The following SPAG16 variants were observed in gnomAD, a reference collection of about 807,000 sequenced individuals.
SPAG16 encodes sperm associated antigen 16, also known as sperm-associated antigen 16 protein.
In SPAG16, 86 loss-of-function variants were observed where a neutral mutation model predicts 80.4. The observed-to-expected ratio is 1.07, with a 90% CI of 0.90 to 1.28. The LOEUF (loss-of-function observed/expected upper bound fraction) is 1.28, where lower values mean the gene tolerates loss of function less well. Ranked by LOEUF, SPAG16 falls within the 50% of genes most tolerant of loss-of-function variation. The probability of loss-of-function intolerance (pLI) is 0.00; values close to 1 mark genes in which losing one functional copy is unlikely to be tolerated. For missense variants in SPAG16, 870 were observed against 765.3 expected (o/e 1.14, Z -1.61); for synonymous variants, 294 against 265.9 (o/e 1.11, Z -1.03).
At chr2:214,057,689 G>T (rs529713900) in intron 13 of SPAG16, among the ~76,000 whole-genome samples, 69 of 152,276 alleles carry the variant, frequency 4.5e-4, no homozygotes, top group South Asian at 1.7e-3. Context: ...CTCTAGCTAA[G>T]AAAGTCCTAG....
At chr2:213,679,429 A>G (rs890890984) in intron 10 of SPAG16, among the ~76,000 whole-genome samples, 4 of 152,292 alleles carry the variant, frequency 2.6e-5, no homozygotes, top group African/African-American at 7.2e-5. Flanking sequence ...TAAATGTGCA[A>G]TTTGATTTAA....
intron 10 of SPAG16, among the ~76,000 whole-genome samples, chr2:213,706,226 T>G (rs1375028106): frequency 6.6e-6 from 1 of 152,194 alleles, no homozygotes; most frequent in East Asian, 1.9e-4. Flanking sequence ...GCTGAATAGC[T>G]GGCATCAATT....
chr2:214,191,383 G>T (rs2057658226), intron 15 of SPAG16, among the ~76,000 whole-genome samples: 2 of 152,026 alleles, frequency 1.3e-5, no homozygotes, highest in South Asian at 4.2e-4. Flanking sequence ...CTTTAGTAAG[G>T]TAGGAAAAGT....
At chr2:214,122,541 C>G (rs2054271289) in intron 14 of SPAG16, among the ~76,000 whole-genome samples, 1 of 151,836 alleles carries the variant, frequency 6.6e-6, no homozygotes, top group Non-Finnish European at 1.5e-5. Context: ...TAAGTTCAAA[C>G]AGCAAGCACT....
At chr2:213,778,247 T>C (rs2069723725) in intron 10 of SPAG16, among the ~76,000 whole-genome samples, 1 of 152,134 alleles carries the variant, frequency 6.6e-6, no homozygotes, top group South Asian at 2.1e-4. Flanking sequence ...TCTGAATTCT[T>C]AGTTTAACAT....
chr2:213,709,260 G>A (rs972704972), intron 10 of SPAG16, among the ~76,000 whole-genome samples: 5 of 152,062 alleles, frequency 3.3e-5, no homozygotes, highest in Admixed American at 6.5e-5. Context: ...ATCCTTTCTC[G>A]TTTGAAATAT....
intron 12 of SPAG16, 49 bp downstream of exon 12, chr2:213,930,194 G>A (rs375383090): frequency 3.2e-5 from 45 of 1,396,532 alleles, no homozygotes; most frequent in Admixed American, 5.0e-5. Flanking sequence ...ATACATATAC[G>A]TGGGTAAAGT....
At chr2:214,317,816 C>T (rs985931575) in intron 15 of SPAG16, among the ~76,000 whole-genome samples, 2 of 152,170 alleles carry the variant, frequency 1.3e-5, no homozygotes, top group Non-Finnish European at 2.9e-5. Context: ...AGTCACCTTC[C>T]CCAGTATATT....
chr2:213,850,335 C>CAAAAA (rs1280163544), intron 10 of SPAG16, among the ~76,000 whole-genome samples: 1 of 152,114 alleles, frequency 6.6e-6, no homozygotes, highest in African/African-American at 2.4e-5. Flanking sequence ...AAGAGAAAAG[C>CAAAAA]AAAACAAATT....
At chr2:214,326,030 T>C (rs1024760182) in intron 15 of SPAG16, among the ~76,000 whole-genome samples, 2 of 152,172 alleles carry the variant, frequency 1.3e-5, no homozygotes, top group African/African-American at 2.4e-5. Context: ...TTCCATCCTA[T>C]AATGTGTCAA....
intron 13 of SPAG16, among the ~76,000 whole-genome samples, chr2:214,106,785 T>C (rs753449077): frequency 1.2e-4 from 19 of 152,136 alleles, no homozygotes; most frequent in Non-Finnish European, 2.4e-4. Flanking sequence ...TTTGAGTGAA[T>C]CTACTCTTCT....
intron 9 of SPAG16, among the ~76,000 whole-genome samples, chr2:213,483,146 G>A (rs2073831531): frequency 6.6e-6 from 1 of 151,986 alleles, no homozygotes; most frequent in South Asian, 2.1e-4. Flanking sequence ...ACTAAATAAT[G>A]TTTCATCATC....
intron 13 of SPAG16, among the ~76,000 whole-genome samples, chr2:214,022,217 C>T (rs984360169): frequency 1.3e-5 from 2 of 151,530 alleles, no homozygotes; most frequent in African/African-American, 2.4e-5. Flanking sequence ...GAATGGGCTA[C>T]AAGAAGATAT....
At chr2:214,084,147 C>A (rs2051565278) in intron 13 of SPAG16, among the ~76,000 whole-genome samples, 1 of 152,162 alleles carries the variant, frequency 6.6e-6, no homozygotes, top group Admixed American at 6.5e-5. Context: ...AATAACCATT[C>A]TTTTTCCCTC....
chr2:213,984,575 G>A (rs2106429242), intron 12 of SPAG16, among the ~76,000 whole-genome samples: 1 of 152,208 alleles, frequency 6.6e-6, no homozygotes, highest in Non-Finnish European at 1.5e-5. Context: ...GACATGGGAA[G>A]CAGTCAGTGG....
chr2:213,386,968 A>T (rs1377900064), intron 9 of SPAG16, among the ~76,000 whole-genome samples: 1 of 152,188 alleles, frequency 6.6e-6, no homozygotes, highest in Non-Finnish European at 1.5e-5. Flanking sequence ...AAGAGAAAAA[A>T]GTTACTGCTT....
intron 13 of SPAG16, among the ~76,000 whole-genome samples, chr2:214,065,717 G>T (rs1213870011): frequency 6.6e-6 from 1 of 152,060 alleles, no homozygotes; most frequent in African/African-American, 2.4e-5. Flanking sequence ...TTAATTTTAT[G>T]CATGTTGAAA....
At chr2:214,377,106 G>A (rs753135001) in intron 15 of SPAG16, among the ~76,000 whole-genome samples, 1 of 152,082 alleles carries the variant, frequency 6.6e-6, no homozygotes, top group Admixed American at 6.6e-5. Context: ...TTGCTATTGT[G>A]GTGAGCTCAA....
chr2:213,705,032 C>T (rs560208498), intron 10 of SPAG16, among the ~76,000 whole-genome samples: 3 of 152,212 alleles, frequency 2.0e-5, no homozygotes, highest in African/African-American at 7.2e-5. Context: ...GCAGGCGGAT[C>T]ATGAGGTCAG....
Sources: allele counts gnomAD v4.1 joint callset (sites outside exome capture counted in the v4.1 genomes callset), GRCh38; gene constraint gnomAD v4.1.1; transcripts MANE v1.5; gene names NCBI Gene and HGNC (gene_info 2026-07-23, HGNC 2026-07-21).